BMAL1: variants seen among roughly 807,000 people sequenced by gnomAD.
The protein encoded by BMAL1 is basic helix-loop-helix ARNT-like protein 1.
chr11:13,370,324 A>G, the BMAL1 span, among the ~76,000 whole-genome samples: 12 of 151,958 alleles, frequency 7.9e-5, no homozygotes, highest in Non-Finnish European at 1.2e-4. Context: ...CCTCAGCTTT[A>G]AATGCCAACA....
At chr11:13,332,974 T>C in the BMAL1 span, among the ~76,000 whole-genome samples, 33 of 151,846 alleles carry the variant, frequency 2.2e-4, no homozygotes, top group East Asian at 6.4e-3. Context: ...TTTTTTTTTT[T>C]TTTTCTTTGA....
At chr11:13,317,184 A>C in the BMAL1 span, among the ~76,000 whole-genome samples, 1 of 152,260 alleles carries the variant, frequency 6.6e-6, no homozygotes, top group Non-Finnish European at 1.5e-5. Flanking sequence ...ACTTTGGAAC[A>C]GATATAAAGT....
chr11:13,378,307 C>G, the BMAL1 span: 1 of 1,564,874 alleles, frequency 6.4e-7, no homozygotes, highest in Non-Finnish European at 8.6e-7. Flanking sequence ...CAGTTTTCCC[C>G]TTTCCTACTC....
chr11:13,319,487 A>G, the BMAL1 span, among the ~76,000 whole-genome samples: 6 of 152,362 alleles, frequency 3.9e-5, no homozygotes, highest in African/African-American at 9.6e-5. Flanking sequence ...GGCTTTGCTA[A>G]TCTAGTTTTT....
chr11:13,340,126 G>T, the BMAL1 span, among the ~76,000 whole-genome samples: 1 of 152,202 alleles, frequency 6.6e-6, no homozygotes, highest in Non-Finnish European at 1.5e-5. Context: ...GGCATATGTG[G>T]GTTCTCAATA....
the BMAL1 span, among the ~76,000 whole-genome samples, chr11:13,311,700 G>A: frequency 6.6e-6 from 1 of 152,148 alleles, no homozygotes; most frequent in Non-Finnish European, 1.5e-5. Context: ...TCCTTCTTTG[G>A]AGCCAAGCTG....
At chr11:13,354,696 A>G in the BMAL1 span, 1 of 467,282 alleles carries the variant, frequency 2.1e-6, no homozygotes, top group South Asian at 2.5e-5. Context: ...ACCCAGAGAA[A>G]AAGAACAGCC....
the BMAL1 span, among the ~76,000 whole-genome samples, chr11:13,281,444 A>G: frequency 6.6e-6 from 1 of 152,176 alleles, no homozygotes; most frequent in Admixed American, 6.5e-5. Flanking sequence ...AGTTTTCTCC[A>G]AAACTTTGTC....
At chr11:13,361,925 T>C in the BMAL1 span, among the ~76,000 whole-genome samples, 1 of 152,350 alleles carries the variant, frequency 6.6e-6, no homozygotes, top group East Asian at 1.9e-4. Flanking sequence ...TACACCTTCC[T>C]GAAAACTCAA....
chr11:13,304,240 C>G, the BMAL1 span, among the ~76,000 whole-genome samples: 1 of 152,058 alleles, frequency 6.6e-6, no homozygotes, highest in Non-Finnish European at 1.5e-5. Flanking sequence ...GGGTGTTATC[C>G]AGGTATGTGA....
At chr11:13,378,466 C>T in the BMAL1 span, 1 of 1,600,542 alleles carries the variant, frequency 6.2e-7, no homozygotes, top group Non-Finnish European at 8.5e-7. Flanking sequence ...CCTTCTAGTT[C>T]CTCTGTTAAA....
At chr11:13,305,222 G>GC in the BMAL1 span, among the ~76,000 whole-genome samples, 1 of 152,104 alleles carries the variant, frequency 6.6e-6, no homozygotes, top group East Asian at 1.9e-4. Context: ...TAGATGCTGG[G>GC]CCCCCGCTAG....
the BMAL1 span, among the ~76,000 whole-genome samples, chr11:13,291,656 C>T: frequency 0.015 from 2,333 of 152,292 alleles, 31 homozygotes; most frequent in South Asian, 0.044. Flanking sequence ...TCTTTGCTTT[C>T]TCTATTGAAG....
chr11:13,361,069 A>C, the BMAL1 span, among the ~76,000 whole-genome samples: 13 of 152,294 alleles, frequency 8.5e-5, 1 homozygote, highest in South Asian at 2.7e-3. Flanking sequence ...ACTCCACTGC[A>C]CTCCAGCTTG....
chr11:13,286,305 G>C, the BMAL1 span, among the ~76,000 whole-genome samples: 2 of 152,144 alleles, frequency 1.3e-5, no homozygotes, highest in African/African-American at 2.4e-5. Flanking sequence ...TTATAGAAGG[G>C]ATTTTTTACC....
At chr11:13,369,360 A>T in the BMAL1 span, among the ~76,000 whole-genome samples, 1 of 152,152 alleles carries the variant, frequency 6.6e-6, no homozygotes, top group African/African-American at 2.4e-5. Flanking sequence ...CAAGAACCCC[A>T]TACTATATTT....
chr11:13,374,264 C>T, the BMAL1 span: 2 of 1,445,706 alleles, frequency 1.4e-6, no homozygotes, highest in Middle Eastern at 1.7e-4. Context: ...GACTAGTCAA[C>T]ATGACCTTCC....
At chr11:13,355,791 C>T in the BMAL1 span, among the ~76,000 whole-genome samples, 1 of 152,062 alleles carries the variant, frequency 6.6e-6, no homozygotes, top group Non-Finnish European at 1.5e-5. Flanking sequence ...GTGAGGAACC[C>T]CAGGGCGTCT....
At chr11:13,353,863 T>G in the BMAL1 span, among the ~76,000 whole-genome samples, 1 of 152,102 alleles carries the variant, frequency 6.6e-6, no homozygotes, top group Non-Finnish European at 1.5e-5. Flanking sequence ...AAAATTAGCT[T>G]TGTGTGTGGA....
Sources: gnomAD v4.1 joint callset for allele counts (sites outside exome capture counted in the v4.1 genomes callset) on GRCh38, gnomAD v4.1.1 for gene constraint, MANE v1.5 for transcripts, NCBI Gene and HGNC (gene_info 2026-07-23, HGNC 2026-07-21) for gene names.